TASOR: variants seen among roughly 807,000 people sequenced by gnomAD.
TASOR encodes protein TASOR.
In TASOR, 53 loss-of-function variants were observed where a neutral mutation model predicts 178.6. The observed-to-expected ratio is 0.30, with a 90% CI of 0.24 to 0.37. The LOEUF (loss-of-function observed/expected upper bound fraction) is 0.37. Ranked by LOEUF, TASOR falls within the 10% of genes least tolerant of loss-of-function variation. The pLI, the probability that TASOR is intolerant of heterozygous loss-of-function variation, is 1.00. For missense variants in TASOR, 1,815 were observed against 1,971.4 expected (o/e 0.92, Z 1.50); for synonymous variants, 713 against 696.2 (o/e 1.02, Z -0.38).
chr3:56,624,998 G>C lies in TASOR; in HGVS notation c.4148C>G (p.Ala1383Gly), dbSNP rs2076766272. 6.2e-7 allele frequency: 1 copy of C among 1,613,338 alleles called. No homozygotes were observed. The highest frequency in any genetic ancestry group is 1.1e-5 in the South Asian group (1 of 90,980). The change falls in exon 22 of 24, where the codon GCT becomes GGT. Residue 1383 changes from alanine to glycine, a missense_variant. By Grantham distance (60) the Ala-to-Gly change is moderately conservative. Coordinates refer to ENST00000683822, the MANE Select transcript of TASOR (RefSeq NM_001365635.2). ...AAGCGTCAACAGACTTAGAGCTTTA[G>C]CATTCAATCTGTGAAATTAAGCAGT... ...KKLKELGRLN[A>G]KALSLLTLLN... is the part of the protein sequence containing the mutation.
Position 56,628,614 on chromosome 3 carries a change from C to G in TASOR, c.3748G>C (p.Glu1250Gln). ...GTATTGCCTAATTTGATAAGATATT[C>G]CTGTTAAAGAAAAACAACTAAATCA... is the stretch of plus-strand genomic sequence containing the variant. ...EESVLCKEIKEYLIKLGNTEC... is the reference protein window; with the variant it reads ...EESVLCKEIKQYLIKLGNTEC... Residue 1250 changes from glutamate to glutamine, a missense_variant and splice_region_variant, in exon 19 of 24, where the codon GAA (glutamate) becomes CAA (glutamine). Physicochemically the swap from Glu to Gln is conservative, Grantham distance 29 (BLOSUM62 2). Around this residue, in one of 5 missense-constraint regions of TASOR, gnomAD observed 655 missense variants for 671.1 expected, o/e 0.98. Coordinates refer to ENST00000683822, the MANE Select transcript of TASOR (RefSeq NM_001365635.2). 6.5e-7 allele frequency: 1 copy of G among 1,534,006 alleles called. No individual in the cohort carries two copies. The highest frequency in any genetic ancestry group is 8.9e-7 in the Non-Finnish European group (1 of 1,128,886).
intron 17 of TASOR, among the ~76,000 whole-genome samples, chr3:56,636,811 C>A (rs1034152355): frequency 6.6e-6 from 1 of 152,074 alleles, no homozygotes; most frequent in South Asian, 2.1e-4. Flanking sequence ...CTTTAGCTTA[C>A]AAAATATAAA....
intron 7 of TASOR, chr3:56,664,210 G>A (rs916179401): frequency 2.0e-5 from 3 of 152,200 alleles, no homozygotes; most frequent in African/African-American, 7.2e-5. Flanking sequence ...CAGAGGCCCT[G>A]AAGCAGGAGC....
At chr3:56,659,881 C>T (rs1479972885) in intron 11 of TASOR, among the ~76,000 whole-genome samples, 3 of 148,272 alleles carry the variant, frequency 2.0e-5, no homozygotes, top group African/African-American at 7.4e-5. Flanking sequence ...TTTCTTTTTT[C>T]TTTTTTTTTT....
chr3:56,622,954 A>G lies in TASOR; in HGVS notation c.*83T>C. ...AAAGAAAAAACATTTGAGAAAGAAC[A>G]AGAACCTTTTGTTTAGAGAATGAAA... On this transcript the variant is annotated 3_prime_UTR_variant, in exon 24 of 24. Transcript: ENST00000683822. 3 of 923,110 alleles carry G rather than the reference A, an allele frequency of 3.2e-6. No homozygotes were observed. The highest frequency in any genetic ancestry group is 2.7e-5 in the South Asian group (1 of 37,730). The allele number at this position is 923,110 out of a possible 1,614,324, so 57.2% of individuals were successfully genotyped here. A position where few individuals can be genotyped will look rare whatever the true frequency, so the allele number is the denominator to read the frequency against.
At chr3:56,626,975 G>A in intron 21 of TASOR, 62 bp downstream of exon 21, 5 of 1,019,588 alleles carry the variant, frequency 4.9e-6, no homozygotes, top group Admixed American at 2.2e-5. Context: ...TGGGAAGAGA[G>A]AAATATTATG....
At chr3:56,656,319 G>A (rs890556077) in intron 11 of TASOR, among the ~76,000 whole-genome samples, 2 of 152,198 alleles carry the variant, frequency 1.3e-5, no homozygotes, top group East Asian at 1.9e-4. Context: ...CAGGCATGGC[G>A]GTTCACACCT....
In TASOR at chr3:56,623,442, T is replaced by C. The variant is rs1433342555; in HGVS notation, c.4608A>G (p.Ser1536=). The change falls in exon 24 of 24, where the codon TCA becomes TCG. Residue 1536 remains serine (S), a synonymous_variant. Coordinates refer to ENST00000683822, the MANE Select transcript of TASOR (RefSeq NM_001365635.2). Reference sequence around the variant, plus strand: ...TATTCTTTTTTTGATCTGTTCCACGTGATCCTTTGGTCTCTTTCTCCCATA... The same window carrying C: ...TATTCTTTTTTTGATCTGTTCCACGCGATCCTTTGGTCTCTTTCTCCCATA... ...SEIWEKETKG[S]RGTDQKKNTQ... 1.2e-6 allele frequency: 2 copies of C among 1,613,646 alleles called. No homozygotes were observed. Among genetic ancestry groups the C allele is most frequent in the African/African-American group, 2.7e-5 (2 of 74,932 alleles).
intron 7 of TASOR, 70 bp downstream of exon 7, chr3:56,666,190 C>G: frequency 1.6e-6 from 2 of 1,280,916 alleles, no homozygotes; most frequent in Non-Finnish European, 2.0e-6. Flanking sequence ...AATGGTCCTC[C>G]TAACTCAGTA....
chr3:56,679,156 C>G (rs545315003), intron 1 of TASOR, among the ~76,000 whole-genome samples: 1 of 152,178 alleles, frequency 6.6e-6, no homozygotes, highest in African/African-American at 2.4e-5. Context: ...TCACAGCTGA[C>G]GCCTATTAAT....
chr3:56,653,344 T>C (rs1052486485), intron 11 of TASOR, among the ~76,000 whole-genome samples: 2 of 146,314 alleles, frequency 1.4e-5, no homozygotes, highest in Non-Finnish European at 3.0e-5. Flanking sequence ...GATAACTAAT[T>C]TTCCAGAAAA....
chr3:56,657,541 C>G (rs2077499021), intron 11 of TASOR, among the ~76,000 whole-genome samples: 1 of 152,066 alleles, frequency 6.6e-6, no homozygotes, highest in Admixed American at 6.6e-5. Context: ...GATCTGTAGT[C>G]ATTTATCTAG....
chr3:56,673,433 CAAA>C (rs5849162), intron 2 of TASOR, 144 bp downstream of exon 2: 23,173 of 193,454 alleles, frequency 0.12, 614 homozygotes, highest in East Asian at 0.24. Flanking sequence ...ACTCCGTCTC[CAAA>C]AAAAAAAAAA....
chr3:56,665,350 T>TTTG (rs758949224), intron 7 of TASOR, among the ~76,000 whole-genome samples: 4 of 152,016 alleles, frequency 2.6e-5, no homozygotes, highest in Non-Finnish European at 4.4e-5. Flanking sequence ...ATCTCACTTT[T>TTTG]TTGTTGTTGT....
intron 16 of TASOR, 55 bp from the exon 17 acceptor site, chr3:56,638,820 G>C: frequency 6.7e-7 from 1 of 1,502,216 alleles, no homozygotes. Flanking sequence ...CCTACACTAA[G>C]CACCTTTCAG....
Position 56,660,909 on chromosome 3 carries a change from C to G in TASOR, c.1264+5G>C. ...ATGCATTTCAATAAAATTAAATTAC[C>G]TTACCTTCATTTGGACCTAAGTATG... On this transcript the variant is annotated splice_donor_5th_base_variant and intron_variant, in intron 10 of 23. Coordinates refer to ENST00000683822, the MANE Select transcript of TASOR (RefSeq NM_001365635.2). 6.2e-7 allele frequency: 1 copy of G among 1,609,312 alleles called. No homozygotes were observed. Among genetic ancestry groups the G allele is most frequent in the East Asian group, 2.2e-5 (1 of 44,780 alleles).
rs763180507 is a variant in TASOR, at chr3:56,627,020, T to C, written c.4139+17A>G. The stretch of plus-strand genomic sequence containing the variant: ...TTAAAATCAACAACCATTATATAGT[T>C]ATGTTTCAAAGCTTACCTGCCTAGT... On this transcript the variant is annotated intron_variant, in intron 21 of 23. Coordinates refer to ENST00000683822, the MANE Select transcript of TASOR (RefSeq NM_001365635.2). The C allele has an allele frequency of 1.6e-5, 23 of 1,423,140 alleles. No individual in the cohort carries two copies. The highest frequency in any genetic ancestry group is 1.8e-4 in the Middle Eastern group (1 of 5,648). 88.2% of individuals were successfully genotyped at this position (1,423,140 alleles called of 1,614,324 possible).
intron 14 of TASOR, among the ~76,000 whole-genome samples, chr3:56,642,030 A>T (rs906141659): frequency 1.3e-5 from 2 of 152,240 alleles, no homozygotes; most frequent in Non-Finnish European, 2.9e-5. Flanking sequence ...GTGTATTAAT[A>T]ACTACCATCA....
rs971976155 is a variant in TASOR, at chr3:56,622,294, C to G, written c.*743G>C. The G allele has an allele frequency of 2.6e-5, 4 of 152,038 alleles. No homozygotes were observed. Among genetic ancestry groups the G allele is most frequent in the Admixed American group, 2.6e-4 (4 of 15,258 alleles). The allele number at this position is 152,038 out of a possible 1,614,324, so 9.4% of individuals were successfully genotyped here. Reference sequence around the variant, plus strand: ...CAACAAATGGTAATTACTACTAAGACCACCTCAAAAATATATTCCCATTAT... The same window carrying G: ...CAACAAATGGTAATTACTACTAAGAGCACCTCAAAAATATATTCCCATTAT... On this transcript the variant is annotated 3_prime_UTR_variant, in exon 24 of 24. Transcript: ENST00000683822.
Sources: gnomAD v4.1 joint callset for allele counts (sites outside exome capture counted in the v4.1 genomes callset) on GRCh38, gnomAD v4.1.1 for gene constraint, gnomAD v4.1.1 regional missense constraint, MANE v1.5 for transcripts, NCBI Gene and HGNC (gene_info 2026-07-23, HGNC 2026-07-21) for gene names.